The following BCOR variants were observed in gnomAD, a reference collection of about 807,000 sequenced individuals.
The protein encoded by BCOR is BCL6 corepressor.
Under a neutral mutation model 86.7 loss-of-function variants are expected in BCOR, and 10 were observed. The observed-to-expected ratio is 0.12, with a 90% CI of 0.07 to 0.20. BCOR has a LOEUF of 0.20. Ranked by LOEUF, BCOR falls within the 10% of genes least tolerant of loss-of-function variation. The pLI, the probability that BCOR is intolerant of heterozygous loss-of-function variation, is 1.00. For missense variants in BCOR, 1,259 were observed against 1,452.1 expected, an observed-to-expected ratio of 0.87 and a Z score of 2.16; for synonymous variants, 611 against 609.0, an observed-to-expected ratio of 1.00 and a Z score of -0.05.
chrX:40,062,001 A>G (rs772038352), intron 10 of BCOR, 138 bp downstream of exon 10: 3 of 806,466 alleles, frequency 3.7e-6, no homozygotes, highest in Non-Finnish European at 5.3e-6. Context: ...GCTAACACAA[A>G]CATCCTGTTG....
intron 1 of BCOR, among the ~76,000 whole-genome samples, chrX:40,081,521 G>C (rs1936108235): frequency 8.9e-6 from 1 of 112,385 alleles, no homozygotes; most frequent in Non-Finnish European, 1.9e-5. Flanking sequence ...CAAATGACCT[G>C]ATTTCAATGA....
chrX:40,078,557 G>T (rs1935925137), intron 1 of BCOR, among the ~76,000 whole-genome samples: 1 of 111,994 alleles, frequency 8.9e-6, no homozygotes, highest in African/African-American at 3.2e-5. Context: ...AGAGTCGGTG[G>T]GCTGGTGAGC....
At chrX:40,083,111 G>A (rs951489736) in intron 1 of BCOR, among the ~76,000 whole-genome samples, 26 of 110,280 alleles carry the variant, frequency 2.4e-4, no homozygotes, top group African/African-American at 8.6e-4. Flanking sequence ...AGGATGTGAG[G>A]GGTGGGGGTG....
Position 40,074,355 on chromosome X carries a change from G to A in BCOR, c.991C>T (p.Leu331Phe). 1 of 1,211,485 alleles carries A rather than the reference G, an allele frequency of 8.3e-7. No homozygotes were observed. The highest frequency in any genetic ancestry group is 1.1e-6 in the Non-Finnish European group (1 of 895,318). Residue 331 changes from leucine (L) to phenylalanine (F), a missense_variant, in exon 4 of 15, where the codon CTC (leucine) becomes TTC (phenylalanine). Leu to Phe is a conservative substitution (Grantham distance 22). This residue lies in a region of BCOR where 534 missense variants were observed against 594.8 expected (regional missense o/e 0.90). Transcript: ENST00000378444. ...GGCCGAGGCGAGGGGGGCAACAGGAGAGCTGTGTCCCCCGGCAGGCCACTG... is the reference window on the plus strand; with the variant it reads ...GGCCGAGGCGAGGGGGGCAACAGGAAAGCTGTGTCCCCCGGCAGGCCACTG... ...VTSGLPGDTA[L>F]LLPPSPRPSP...
At chrX:40,094,335 G>A (rs1000819204) in intron 1 of BCOR, among the ~76,000 whole-genome samples, 3 of 112,614 alleles carry the variant, frequency 2.7e-5, no homozygotes, top group Non-Finnish European at 5.6e-5. Context: ...CCGCGAGAGC[G>A]CGGAGACCCT....
chrX:40,082,665 A>C (rs758645439), intron 1 of BCOR, among the ~76,000 whole-genome samples: 1 of 109,899 alleles, frequency 9.1e-6, no homozygotes, highest in African/African-American at 3.3e-5. Flanking sequence ...TCCCACCCTC[A>C]CTCACCGCGT....
intron 1 of BCOR, among the ~76,000 whole-genome samples, chrX:40,091,485 C>T (rs1199467116): frequency 1.8e-5 from 2 of 112,646 alleles, no homozygotes; most frequent in Admixed American, 1.9e-4. Flanking sequence ...GTGAGGACCC[C>T]CGTTTCTGAG....
At chrX:40,104,662 G>T (rs754014697) in intron 1 of BCOR, among the ~76,000 whole-genome samples, 1 of 111,831 alleles carries the variant, frequency 8.9e-6, no homozygotes, top group African/African-American at 3.2e-5. Context: ...TCCGGCACAT[G>T]CCAAGTCTAC....
Position 40,063,089 on chromosome X carries a change from G to A in BCOR, c.3848-18C>T, listed in dbSNP as rs1934987483. 1 of 998,867 alleles carries A rather than the reference G, an allele frequency of 1.0e-6. No individual in the cohort carries two copies. Among genetic ancestry groups the A allele is most frequent in the South Asian group, 2.6e-5 (1 of 38,839 alleles). 82.3% of individuals were successfully genotyped at this position (998,867 alleles called of 1,213,427 possible). ...AGGCAAGCCTAAATACGGAGGGGGT[G>A]ACGGGGTGGCGGGCGGATGGGAGAC... On this transcript the variant is annotated intron_variant, in intron 8 of 14. Transcript: ENST00000378444.
At chrX:40,118,810 A>T (rs1470541315) in intron 1 of BCOR, among the ~76,000 whole-genome samples, 1 of 112,156 alleles carries the variant, frequency 8.9e-6, no homozygotes, top group African/African-American at 3.2e-5. Flanking sequence ...CCCTTGCCTC[A>T]GGTGGGAGGC....
intron 8 of BCOR, 126 bp downstream of exon 8, chrX:40,063,482 G>A (rs1935011174): frequency 3.5e-6 from 2 of 565,882 alleles, no homozygotes; most frequent in East Asian, 3.3e-5. Flanking sequence ...CTCCCTGCCT[G>A]CCACATCTTC....
chrX:40,149,122 T>C (rs1310593442), intron 1 of BCOR, among the ~76,000 whole-genome samples: 1 of 108,093 alleles, frequency 9.3e-6, no homozygotes, highest in South Asian at 4.0e-4. Flanking sequence ...GTGCCTTCAG[T>C]AGTGCGGATT....
Position 40,074,182 on chromosome X carries a change from G to C in BCOR, c.1164C>G (p.Leu388=), listed in dbSNP as rs750254448. Residue 388 remains leucine (L), a synonymous_variant, in exon 4 of 15, where the codon CTC becomes CTG. Transcript: ENST00000378444. ...GAGCCTTGGGATACTTGCCATTGGA[G>C]AGCCTGGCCGCGGGGAACTCGCTGC... is the stretch of plus-strand genomic sequence containing the variant. ...TVSSEFPAAR[L]SNGKYPKAPE... is the part of the protein sequence containing the mutation. 8.2e-7 allele frequency: 1 copy of C among 1,212,265 alleles called. No homozygotes were observed. Among genetic ancestry groups the C allele is most frequent in the Non-Finnish European group, 1.1e-6 (1 of 895,630 alleles).
chrX:40,073,463 G>A lies in BCOR; in HGVS notation c.1883C>T (p.Ala628Val). The A allele has an allele frequency of 8.2e-7, 1 of 1,212,464 alleles. No homozygotes were observed. Among genetic ancestry groups the A allele is most frequent in the Non-Finnish European group, 1.1e-6 (1 of 895,694 alleles). The part of the protein sequence containing the change: ...KASNPEPSFK[A>V]NENGLPPSSI... ...GCTTGGTGGAAGGCCGTTCTCGTTT[G>A]CTTTGAAACTCGGTTCTGGGTTGCT... Residue 628 changes from alanine (A) to valine (V), a missense_variant, in exon 4 of 15, where the codon GCA (alanine) becomes GTA (valine). By Grantham distance (64) the Ala-to-Val change is moderately conservative. Transcript: ENST00000378444.
intron 1 of BCOR, among the ~76,000 whole-genome samples, chrX:40,085,990 G>C (rs777984047): frequency 8.9e-6 from 1 of 112,313 alleles, no homozygotes; most frequent in South Asian, 3.7e-4. Context: ...AGTCAGAGTA[G>C]GTGGTGCTGT....
intron 1 of BCOR, among the ~76,000 whole-genome samples, chrX:40,159,078 C>CGGGGGG (rs1473864787): frequency 1.0e-5 from 1 of 98,544 alleles, no homozygotes; most frequent in African/African-American, 3.9e-5. Flanking sequence ...AGAATCAGTT[C>CGGGGGG]GGGGGGGAGG....
chrX:40,132,774 C>T (rs139908818), intron 1 of BCOR, among the ~76,000 whole-genome samples: 1,994 of 112,500 alleles, frequency 0.018, 57 homozygotes, highest in African/African-American at 0.06. Flanking sequence ...CCCCTTCTCA[C>T]GGTGCCCCCC....
At chrX:40,123,613 A>G (rs1937513967) in intron 1 of BCOR, among the ~76,000 whole-genome samples, 1 of 110,818 alleles carries the variant, frequency 9.0e-6, no homozygotes, top group Non-Finnish European at 1.9e-5. Context: ...TCGGCCTCCC[A>G]AAGTGCTGGG....
At chrX:40,052,554 C>CCT (rs1569138726) in intron 14 of BCOR, among the ~76,000 whole-genome samples, 154 bp from the exon 15 acceptor site, 1 of 91,845 alleles carries the variant, frequency 1.1e-5, no homozygotes, top group African/African-American at 4.1e-5. Flanking sequence ...CTCTGATCAC[C>CCT]ATTTTTTTTT....
Sources: gnomAD v4.1 joint callset for allele counts (sites outside exome capture counted in the v4.1 genomes callset) on GRCh38, gnomAD v4.1.1 for gene constraint, gnomAD v4.1.1 regional missense constraint, MANE v1.5 for transcripts, NCBI Gene and HGNC (gene_info 2026-07-23, HGNC 2026-07-21) for gene names.